Variants in RDH10 observed in about 807,000 individuals in gnomAD.
RDH10 encodes the protein retinol dehydrogenase 10, also known as retinol dehydrogenase 10 (all-trans).
In RDH10, 12 loss-of-function variants were observed where a neutral mutation model predicts 30.2. That is an observed-to-expected ratio of 0.40 (90% CI 0.25 to 0.64). The LOEUF (loss-of-function observed/expected upper bound fraction) is 0.64. Among genes scored for constraint, RDH10 ranks in the 30% least tolerant of loss-of-function variants. The pLI is 0.43. For synonymous variants in RDH10, 189 were observed against 172.2 expected (o/e 1.10, Z -0.76); for missense variants, 268 against 445.2 (o/e 0.60, Z 3.58).
intron 2 of RDH10, chr8:73,312,662 G>C (rs1382171905): frequency 6.6e-6 from 1 of 152,216 alleles, no homozygotes; most frequent in Non-Finnish European, 1.5e-5. Flanking sequence ...TTTCCAGTCA[G>C]ACGTTCTTTG....
intron 2 of RDH10, chr8:73,311,170 G>GA (rs1161005498): frequency 1.3e-5 from 2 of 152,158 alleles, no homozygotes; most frequent in Non-Finnish European, 2.9e-5. Flanking sequence ...TATTTGAGAT[G>GA]AAAAAACTTT....
chr8:73,320,181 T>C (rs1249724313), intron 3 of RDH10, among the ~76,000 whole-genome samples: 1 of 152,254 alleles, frequency 6.6e-6, no homozygotes. Context: ...TTTGCCTTTA[T>C]TCTTCTTGCA....
Position 73,324,156 on chromosome 8 carries a change from A to G in RDH10, c.*1120A>G, listed in dbSNP as rs1297728886. Reference sequence around the variant, plus strand: ...AAAGGAACAGTTTTTAAAAATGGGAACTTCTACATTGAAAAGTCCCCATTT... The same window carrying G: ...AAAGGAACAGTTTTTAAAAATGGGAGCTTCTACATTGAAAAGTCCCCATTT... On this transcript the variant is annotated 3_prime_UTR_variant, in exon 6 of 6. Coordinates refer to ENST00000240285, the MANE Select transcript of RDH10 (RefSeq NM_172037.5). 1 of 152,654 alleles carries G rather than the reference A, an allele frequency of 6.6e-6. No homozygotes were observed. The highest frequency in any genetic ancestry group is 1.5e-5 in the Non-Finnish European group (1 of 68,044). The allele number at this position is 152,654 out of a possible 1,614,324, so 9.5% of individuals were successfully genotyped here.
chr8:73,312,144 A>G (rs1279139813), intron 2 of RDH10: 1 of 152,178 alleles, frequency 6.6e-6, no homozygotes, highest in African/African-American at 2.4e-5. Flanking sequence ...ACCATTTTAC[A>G]TTTTTTAACA....
At chr8:73,299,538 C>G (rs1814340785) in intron 2 of RDH10, among the ~76,000 whole-genome samples, 1 of 152,088 alleles carries the variant, frequency 6.6e-6, no homozygotes, top group Admixed American at 6.5e-5. Flanking sequence ...TTAAGTCAGC[C>G]CTAAACAGTT....
At chr8:73,318,494 AT>A (rs887555444) in intron 2 of RDH10, among the ~76,000 whole-genome samples, 33 of 152,246 alleles carry the variant, frequency 2.2e-4, no homozygotes, top group Non-Finnish European at 4.6e-4. Flanking sequence ...CATAGTTGGC[AT>A]TATGATATGT....
chr8:73,299,494 T>C (rs950656156), intron 2 of RDH10, among the ~76,000 whole-genome samples: 31 of 152,182 alleles, frequency 2.0e-4, no homozygotes, highest in Admixed American at 3.9e-4. Flanking sequence ...TGAAGAATGG[T>C]AAAGATGAAG....
chr8:73,323,159 C>G lies in RDH10; in HGVS notation c.*123C>G. 1.2e-6 allele frequency: 1 copy of G among 812,870 alleles called. No homozygotes were observed. Among genetic ancestry groups the G allele is most frequent in the African/African-American group, 1.7e-5 (1 of 57,804 alleles). 50.4% of individuals were successfully genotyped at this position (812,870 alleles called of 1,614,324 possible). A position where few individuals can be genotyped will look rare whatever the true frequency, so the allele number is the denominator to read the frequency against. ...TTGTGTTGTTTCTTTTTTAAATCAACTTTTTAAAAAAATAAAGTGTAAATT... is the reference window on the plus strand; with the variant it reads ...TTGTGTTGTTTCTTTTTTAAATCAAGTTTTTAAAAAAATAAAGTGTAAATT... On this transcript the variant is annotated 3_prime_UTR_variant, in exon 6 of 6. Coordinates refer to ENST00000240285, the MANE Select transcript of RDH10 (RefSeq NM_172037.5).
At chr8:73,309,095 T>C (rs1019427236) in intron 2 of RDH10, among the ~76,000 whole-genome samples, 3 of 151,476 alleles carry the variant, frequency 2.0e-5, no homozygotes, top group African/African-American at 7.3e-5. Flanking sequence ...ACTTTTTTTT[T>C]CCTGAGCTAA....
chr8:73,321,630 A>T (rs987560963), intron 4 of RDH10: 5 of 357,830 alleles, frequency 1.4e-5, no homozygotes, highest in Non-Finnish European at 2.8e-5. Flanking sequence ...ACCCACACAC[A>T]TAGAAAGGAG....
intron 1 of RDH10, chr8:73,295,926 G>T: frequency 2.3e-6 from 2 of 860,860 alleles, no homozygotes; most frequent in Non-Finnish European, 2.9e-6. Context: ...TACAAGCGGC[G>T]CGATGGGAAA....
At chr8:73,312,483 T>A (rs1390615767) in intron 2 of RDH10, 2 of 152,248 alleles carry the variant, frequency 1.3e-5, no homozygotes, top group Non-Finnish European at 2.9e-5. Context: ...GAACAGTGAC[T>A]GAGTTCTCAG....
intron 2 of RDH10, among the ~76,000 whole-genome samples, chr8:73,306,092 C>T (rs1814459657): frequency 1.3e-5 from 2 of 152,176 alleles, no homozygotes; most frequent in Non-Finnish European, 1.5e-5. Context: ...TACAGCTGGT[C>T]CCCATAATAG....
chr8:73,313,400 A>G (rs898952035), intron 2 of RDH10: 3 of 152,194 alleles, frequency 2.0e-5, no homozygotes, highest in Admixed American at 6.5e-5. Flanking sequence ...CTGAGGAGCT[A>G]AGGAGATATT....
rs779692564 is a variant in RDH10, at chr8:73,322,851, G to C, written c.902+41G>C. 7 of 1,613,850 alleles carry C rather than the reference G, an allele frequency of 4.3e-6. No individual in the cohort carries two copies. The Admixed American group carries it at 6.7e-5, about 15-fold the overall frequency. On this transcript the variant is annotated intron_variant, in intron 5 of 5. Coordinates refer to ENST00000240285, the MANE Select transcript of RDH10 (RefSeq NM_172037.5). ...TCCCTCACTGACTGGGTCTCTCCAT[G>C]CCTGCCCGATGTCTTAATTGAAACT...
rs140580813 is a variant in RDH10, at chr8:73,296,513, C to T, written c.290-681C>T. Among the ~76,000 whole-genome samples, 326 of 152,030 alleles carry T rather than the reference C, an allele frequency of 2.1e-3. 2 individuals carry two copies. Among genetic ancestry groups the T allele is most frequent in the African/African-American group, 4.0e-3 (167 of 41,430 alleles). On this transcript the variant is annotated intron_variant, in intron 1 of 5. Transcript: ENST00000240285. Reference sequence around the variant, plus strand: ...AAATACAGATTTTTGTGCTCCCTGCCGAAACCTAAAAGATAAGGGTATTCA... The same window carrying T: ...AAATACAGATTTTTGTGCTCCCTGCTGAAACCTAAAAGATAAGGGTATTCA...
Position 73,306,987 on chromosome 8 carries a change from C to T in RDH10, c.525+9558C>T, listed in dbSNP as rs112874473. Among the ~76,000 whole-genome samples the T allele has an allele frequency of 3.9e-3, 598 of 152,204 alleles. 2 individuals are homozygous for T. Among genetic ancestry groups the T allele is most frequent in the Non-Finnish European group, 6.6e-3 (451 of 68,004 alleles). ...CTTAAGTTGTAATTAACATACTGCCCCCTACTGATTTCTTAAGGGTTTTTT... is the reference window on the plus strand; with the variant it reads ...CTTAAGTTGTAATTAACATACTGCCTCCTACTGATTTCTTAAGGGTTTTTT... On this transcript the variant is annotated intron_variant, in intron 2 of 5. Coordinates refer to ENST00000240285, the MANE Select transcript of RDH10 (RefSeq NM_172037.5).
intron 2 of RDH10, among the ~76,000 whole-genome samples, chr8:73,301,507 C>G (rs1814374476): frequency 1.3e-5 from 2 of 151,866 alleles, no homozygotes; most frequent in African/African-American, 4.8e-5. Context: ...CCTGTAATCC[C>G]AGCACTTTGG....
chr8:73,306,468 A>G (rs1255117982), intron 2 of RDH10, among the ~76,000 whole-genome samples: 1 of 152,254 alleles, frequency 6.6e-6, no homozygotes, highest in Non-Finnish European at 1.5e-5. Context: ...TGAAACTGAA[A>G]TGAAGTGAGC....
Sources: allele counts gnomAD v4.1 joint callset (sites outside exome capture counted in the v4.1 genomes callset), GRCh38; gene constraint gnomAD v4.1.1; transcripts MANE v1.5; gene names NCBI Gene and HGNC (gene_info 2026-07-23, HGNC 2026-07-21).